The following NFIB variants were observed in gnomAD, a reference collection of about 807,000 sequenced individuals.
NFIB encodes the protein nuclear factor 1 B-type.
In NFIB, 11 loss-of-function variants were observed where a neutral mutation model predicts 61.5. The observed-to-expected ratio is 0.18, with a 90% confidence interval of 0.11 to 0.30. The LOEUF is 0.30. NFIB is among the 10% of genes least tolerant of loss of function. NFIB has a pLI of 1.00. For synonymous variants in NFIB, 260 were observed against 216.5 expected, an observed-to-expected ratio of 1.20 and a Z score of -1.76; for missense variants, 471 against 608.9, an observed-to-expected ratio of 0.77 and a Z score of 2.38.
chr9:14,224,877 T>C (rs551299204), intron 2 of NFIB, among the ~76,000 whole-genome samples: 1 of 152,354 alleles, frequency 6.6e-6, no homozygotes, highest in African/African-American at 2.4e-5. Context: ...TTTCTCAATT[T>C]TATAAATTTT....
rs543801276 is a variant in NFIB, at chr9:14,301,185, G to C, written c.562+5804C>G. Among the ~76,000 whole-genome samples the C allele has an allele frequency of 2.0e-5, 3 of 152,252 alleles. No homozygotes were observed. In the South Asian group the frequency reaches 6.2e-4, roughly 32 times the overall value. On this transcript the variant is annotated intron_variant, in intron 2 of 10. Transcript: ENST00000380953. Reference sequence around the variant, plus strand: ...GCTCCTACCCAGCTTTAAGTCTCCAGGCACAGGCACTATAACTGTGCCTAT... The same window carrying C: ...GCTCCTACCCAGCTTTAAGTCTCCACGCACAGGCACTATAACTGTGCCTAT...
At chr9:14,291,312 C>A (rs1425429722) in intron 2 of NFIB, among the ~76,000 whole-genome samples, 1 of 151,960 alleles carries the variant, frequency 6.6e-6, no homozygotes, top group African/African-American at 2.4e-5. Context: ...CGATGAAATC[C>A]AGTCTCTACT....
At chr9:14,206,726 AG>A (rs2049778112) in intron 2 of NFIB, among the ~76,000 whole-genome samples, 1 of 148,238 alleles carries the variant, frequency 6.7e-6, no homozygotes, top group Non-Finnish European at 1.5e-5. Context: ...AAAAAACCTA[AG>A]GGATGGTTTC....
chr9:14,441,607 T>C, the NFIB span, among the ~76,000 whole-genome samples: 4 of 145,726 alleles, frequency 2.7e-5, no homozygotes, highest in Admixed American at 2.8e-4. Flanking sequence ...TTTTTTTTTT[T>C]CCTGCCTGTC....
intron 2 of NFIB, among the ~76,000 whole-genome samples, chr9:14,248,528 C>T (rs2055201017): frequency 1.3e-5 from 2 of 152,150 alleles, no homozygotes; most frequent in Non-Finnish European, 2.9e-5. Flanking sequence ...GCCTTAGCCT[C>T]CCCAAATCCT....
At chr9:14,428,434 G>C in the NFIB span, among the ~76,000 whole-genome samples, 1 of 152,148 alleles carries the variant, frequency 6.6e-6, no homozygotes, top group Non-Finnish European at 1.5e-5. Flanking sequence ...CTGTATCTAG[G>C]ATTTCTGATC....
At chr9:14,387,260 G>C (rs1023206237) in intron 1 of NFIB, among the ~76,000 whole-genome samples, 1 of 152,184 alleles carries the variant, frequency 6.6e-6, no homozygotes, top group Non-Finnish European at 1.5e-5. Context: ...GTTCAGACGA[G>C]TGTTCTTTTC....
intron 2 of NFIB, among the ~76,000 whole-genome samples, chr9:14,232,541 T>C (rs1208470979): frequency 1.3e-5 from 2 of 152,170 alleles, no homozygotes; most frequent in Non-Finnish European, 2.9e-5. Flanking sequence ...CTTCACATCA[T>C]GGAACTTGTT....
intron 2 of NFIB, among the ~76,000 whole-genome samples, chr9:14,229,549 AGTTTGTG>A (rs560050645): frequency 6.2e-4 from 95 of 152,356 alleles, no homozygotes; most frequent in African/African-American, 2.2e-3. Context: ...ATGTATGTAA[AGTTTGTG>A]GCACATAAAA....
At chr9:14,471,621 A>G in the NFIB span, among the ~76,000 whole-genome samples, 4 of 152,350 alleles carry the variant, frequency 2.6e-5, no homozygotes, top group Admixed American at 2.0e-4. Flanking sequence ...CCTTATCTAC[A>G]TAGTTCCCTT....
At chr9:14,311,341 G>C (rs1011252467) in intron 1 of NFIB, among the ~76,000 whole-genome samples, 3 of 152,062 alleles carry the variant, frequency 2.0e-5, no homozygotes, top group Admixed American at 2.0e-4. Context: ...CTAGGCTCTT[G>C]TGATACAAAA....
At chr9:14,201,978 T>C (rs372705574) in intron 2 of NFIB, among the ~76,000 whole-genome samples, 6 of 152,194 alleles carry the variant, frequency 3.9e-5, no homozygotes, top group Non-Finnish European at 5.9e-5. Flanking sequence ...CAATAAAAGA[T>C]GATTTGTTCT....
At chr9:14,513,782 C>G in the NFIB span, among the ~76,000 whole-genome samples, 1 of 152,108 alleles carries the variant, frequency 6.6e-6, no homozygotes, top group Non-Finnish European at 1.5e-5. Flanking sequence ...ATCACTTACT[C>G]TCTTTGTGAC....
the NFIB span, among the ~76,000 whole-genome samples, chr9:14,452,299 A>G: frequency 6.8e-6 from 1 of 147,242 alleles, no homozygotes; most frequent in East Asian, 1.9e-4. Flanking sequence ...CATTGTATCC[A>G]TGATATTTTT....
At chr9:14,283,607 C>G (rs1012138250) in intron 2 of NFIB, among the ~76,000 whole-genome samples, 1 of 152,174 alleles carries the variant, frequency 6.6e-6, no homozygotes, top group Non-Finnish European at 1.5e-5. Context: ...TGCATGAACT[C>G]AAGTTGATTT....
At chr9:14,186,514 T>C (rs1365037024) in intron 2 of NFIB, among the ~76,000 whole-genome samples, 1 of 152,286 alleles carries the variant, frequency 6.6e-6, no homozygotes, top group South Asian at 2.1e-4. Context: ...AAACAAAAGC[T>C]TGACGGAAGG....
At chr9:14,187,065 G>A (rs28419339) in intron 2 of NFIB, among the ~76,000 whole-genome samples, 7,884 of 130,796 alleles carry the variant, frequency 0.06, 538 homozygotes, top group African/African-American at 0.2. Context: ...GTGTGTGTGT[G>A]TGTGTGTGCC....
chr9:14,337,646 T>C (rs1273614716), intron 1 of NFIB, among the ~76,000 whole-genome samples: 2 of 152,224 alleles, frequency 1.3e-5, no homozygotes, highest in South Asian at 2.1e-4. Context: ...GGAGCCCCAC[T>C]GGGGTGGCGG....
intron 6 of NFIB, among the ~76,000 whole-genome samples, chr9:14,128,720 G>A (rs970867901): frequency 1.3e-5 from 2 of 148,466 alleles, no homozygotes; most frequent in Admixed American, 6.7e-5. Flanking sequence ...AAAAATTAAT[G>A]TGACCACAGC....
Sources: gnomAD v4.1 joint callset for allele counts (sites outside exome capture counted in the v4.1 genomes callset) on GRCh38, gnomAD v4.1.1 for gene constraint, MANE v1.5 for transcripts, NCBI Gene and HGNC (gene_info 2026-07-23, HGNC 2026-07-21) for gene names.